Variants in FREM3 observed in about 807,000 individuals in gnomAD.
FREM3 encodes the protein FRAS1 related extracellular matrix 3, also known as FRAS1-related extracellular matrix protein 3.
In FREM3, 105 loss-of-function variants were observed where a neutral mutation model predicts 129.1. That is an observed-to-expected ratio of 0.81 (90% CI 0.69 to 0.96). FREM3 has a LOEUF of 0.96. Ranked by LOEUF, FREM3 falls within the 40% of genes least tolerant of loss-of-function variation. The pLI, the probability that FREM3 is intolerant of heterozygous loss-of-function variation, is 0.00. For missense variants in FREM3, 2,593 were observed against 2,666.3 expected, an observed-to-expected ratio of 0.97 and a Z score of 0.61; for synonymous variants, 1,014 against 1,044.9, an observed-to-expected ratio of 0.97 and a Z score of 0.57.
intron 6 of FREM3, among the ~76,000 whole-genome samples, chr4:143,589,357 G>A (rs1172908667): frequency 6.6e-6 from 1 of 151,992 alleles, no homozygotes; most frequent in Non-Finnish European, 1.5e-5. Flanking sequence ...TTTTTTCTAG[G>A]GTTTTTATGG....
At chr4:143,636,542 T>C (rs1739237159) in intron 2 of FREM3, among the ~76,000 whole-genome samples, 1 of 152,094 alleles carries the variant, frequency 6.6e-6, no homozygotes, top group Non-Finnish European at 1.5e-5. Context: ...GCAGAATTTT[T>C]AACTTATCAA....
chr4:143,697,253 G>A lies in FREM3; in HGVS notation c.3423C>T (p.Leu1141=), dbSNP rs1269194145. The A allele has an allele frequency of 1.3e-6, 2 of 1,537,524 alleles. No homozygotes were observed. The highest frequency in any genetic ancestry group is 1.7e-6 in the Non-Finnish European group (2 of 1,146,942). ...TGATATGCCTCACTTGGATATCTCT[G>A]AGGGAGAAAGCACTGATAGGGCTAC... ...QSGSPISAFS[L]RDIQVRHINY... is the part of the protein sequence containing the mutation. Residue 1141 remains leucine, a synonymous_variant, in exon 1 of 8, where the codon CTC becomes CTT. Coordinates refer to ENST00000329798, the MANE Select transcript of FREM3 (RefSeq NM_001168235.2).
In FREM3 at chr4:143,693,126, A is replaced by T; in HGVS notation, c.5262T>A (p.Ser1754=). ...ATTATGACTTACCATTGTCTTCAAC[A>T]GAGAAATAGAAGATGTCCTTTGATG... ...SNASKDIFYF[S]VEDNGGNKLT... is the part of the protein sequence containing the mutation. Residue 1754 remains serine, a synonymous_variant, in exon 2 of 8, where the codon TCT becomes TCA. Coordinates refer to ENST00000329798, the MANE Select transcript of FREM3 (RefSeq NM_001168235.2). The T allele has an allele frequency of 6.7e-7, 1 of 1,498,734 alleles. No individual in the cohort carries two copies. 92.8% of individuals were successfully genotyped at this position (1,498,734 alleles called of 1,614,324 possible).
Position 143,697,309 on chromosome 4 carries a change from A to G in FREM3, c.3367T>C (p.Ser1123Pro), listed in dbSNP as rs560377572. 71 of 1,537,256 alleles carry G rather than the reference A, an allele frequency of 4.6e-5. No individual in the cohort carries two copies. The South Asian group carries it at 8.4e-4, about 18-fold the overall frequency. ...TGGGACATTTTTGAACCAGGAGCTG[A>G]TGCAATCTTTTCCAGGTAGCCAGAG... Reference protein sequence around the residue: ...PASGYLEKIASAPGSKMSQSG... With the variant: ...PASGYLEKIAPAPGSKMSQSG... The change falls in exon 1 of 8, where the codon TCA (serine) becomes CCA (proline). Residue 1123 changes from serine (S) to proline (P), a missense_variant. Transcript: ENST00000329798.
chr4:143,583,441 A>G (rs1200589492), intron 7 of FREM3, among the ~76,000 whole-genome samples: 4 of 152,164 alleles, frequency 2.6e-5, no homozygotes, highest in African/African-American at 7.2e-5. Flanking sequence ...CAAAATTCAA[A>G]TTCAGGAAAT....
chr4:143,640,212 CTG>C (rs1739300047), intron 2 of FREM3, among the ~76,000 whole-genome samples: 1 of 152,154 alleles, frequency 6.6e-6, no homozygotes, highest in Non-Finnish European at 1.5e-5. Context: ...AGATTTGGAG[CTG>C]ATTGCTCCAA....
intron 2 of FREM3, among the ~76,000 whole-genome samples, chr4:143,654,101 A>T (rs1481513959): frequency 6.6e-6 from 1 of 152,154 alleles, no homozygotes; most frequent in East Asian, 1.9e-4. Flanking sequence ...TTTTTTAATT[A>T]AAAAAATTTT....
intron 2 of FREM3, among the ~76,000 whole-genome samples, chr4:143,655,497 A>G (rs1173039167): frequency 6.6e-6 from 1 of 152,228 alleles, no homozygotes; most frequent in Admixed American, 6.5e-5. Context: ...GTACCCTCTC[A>G]TGAATCTCTT....
intron 6 of FREM3, among the ~76,000 whole-genome samples, chr4:143,607,899 G>A (rs1738692865): frequency 6.6e-6 from 1 of 152,154 alleles, no homozygotes; most frequent in Admixed American, 6.5e-5. Flanking sequence ...TCTAACTGGA[G>A]GCTTCAGGAG....
intron 5 of FREM3, among the ~76,000 whole-genome samples, chr4:143,613,962 A>G (rs1349921482): frequency 1.3e-5 from 2 of 152,196 alleles, no homozygotes; most frequent in Non-Finnish European, 2.9e-5. Context: ...AACAAAAGCA[A>G]TTGAGATTTT....
intron 2 of FREM3, among the ~76,000 whole-genome samples, chr4:143,637,359 A>G (rs1739249467): frequency 6.6e-6 from 1 of 152,172 alleles, no homozygotes; most frequent in African/African-American, 2.4e-5. Flanking sequence ...CATGTCAGCT[A>G]GGTCTCCATT....
At chr4:143,667,677 A>G (rs562167217) in intron 2 of FREM3, among the ~76,000 whole-genome samples, 1 of 152,246 alleles carries the variant, frequency 6.6e-6, no homozygotes, top group Non-Finnish European at 1.5e-5. Flanking sequence ...CTAAGCAAGA[A>G]TGCTTCCAGC....
chr4:143,696,911 G>A lies in FREM3; in HGVS notation c.3765C>T (p.Phe1255=), dbSNP rs1212479130. 1 of 1,537,754 alleles carries A rather than the reference G, an allele frequency of 6.5e-7. No individual in the cohort carries two copies. Among genetic ancestry groups the A allele is most frequent in the Non-Finnish European group, 8.7e-7 (1 of 1,147,034 alleles). The change falls in exon 1 of 8, where the codon TTC becomes TTT. Residue 1255 remains phenylalanine (F), a synonymous_variant. Transcript: ENST00000329798. ...AGGCCTCCTGGATCTCCTTGAGGGT[G>A]AAGCTGTGGATGGGCTGGCTGCCTG... ...LATGSQPIHS[F]TLKEIQEAST... is the part of the protein sequence containing the mutation.
At position 143,631,638 on chromosome 4, in the gene FREM3, A is replaced by T. The variant is rs533795656; in HGVS notation, c.5276-3878T>A. Reference sequence around the variant, plus strand: ...AACTGTTAAATTACAACACAAGGGCAATATGATTGTGGATAGAAATGAATG... The same window carrying T: ...AACTGTTAAATTACAACACAAGGGCTATATGATTGTGGATAGAAATGAATG... On this transcript the variant is annotated intron_variant, in intron 2 of 7. Transcript: ENST00000329798. Among the ~76,000 whole-genome samples, 9 of 152,290 alleles carry T rather than the reference A, an allele frequency of 5.9e-5. No individual in the cohort carries two copies. In the East Asian group the frequency reaches 1.7e-3, roughly 29 times the overall value.
intron 7 of FREM3, among the ~76,000 whole-genome samples, chr4:143,583,912 A>G (rs1738191455): frequency 6.6e-6 from 1 of 152,234 alleles, no homozygotes. Context: ...AGTCTGCATA[A>G]TAAACCGCTA....
At position 143,582,146 on chromosome 4, in the gene FREM3, C is replaced by G. The variant is rs1578819152; in HGVS notation, c.6178+3698G>C. Among the ~76,000 whole-genome samples, 3 of 152,330 alleles carry G rather than the reference C, an allele frequency of 2.0e-5. No individual in the cohort carries two copies. The East Asian group carries it at 5.8e-4, about 29-fold the overall frequency. ...CCTTTGCCATTACCACTGCTAAGGT[C>G]TCTGTCCTCGTCACCCCCAAGCTGG... On this transcript the variant is annotated intron_variant, in intron 7 of 7. Transcript: ENST00000329798.
chr4:143,687,322 C>T (rs1292713571), intron 2 of FREM3, among the ~76,000 whole-genome samples: 1 of 151,886 alleles, frequency 6.6e-6, no homozygotes, highest in African/African-American at 2.4e-5. Flanking sequence ...CTGAACAGAC[C>T]AATAACAAGC....
chr4:143,666,313 A>G (rs768081382), intron 2 of FREM3, among the ~76,000 whole-genome samples: 1 of 152,140 alleles, frequency 6.6e-6, no homozygotes, highest in Non-Finnish European at 1.5e-5. Context: ...CTGCTATGGA[A>G]AGCAGTTTGG....
At chr4:143,674,606 A>T (rs981330624) in intron 2 of FREM3, among the ~76,000 whole-genome samples, 8 of 152,352 alleles carry the variant, frequency 5.3e-5, no homozygotes, top group African/African-American at 1.9e-4. Flanking sequence ...CAGATTGGAT[A>T]AAGAGTCACG....
Sources: allele counts gnomAD v4.1 joint callset (sites outside exome capture counted in the v4.1 genomes callset), GRCh38; gene constraint gnomAD v4.1.1; transcripts MANE v1.5; gene names NCBI Gene and HGNC (gene_info 2026-07-23, HGNC 2026-07-21).